The following PRKDC variants were observed in gnomAD, a reference collection of about 807,000 sequenced individuals.
The protein encoded by PRKDC is protein kinase, DNA-activated, catalytic subunit.
A neutral mutation model predicts 486.9 loss-of-function variants in PRKDC; 82 were observed. That is an observed-to-expected ratio of 0.17 (90% CI 0.14 to 0.20). The LOEUF is 0.20. PRKDC is among the 10% of genes least tolerant of loss of function. The pLI, the probability that PRKDC is intolerant of heterozygous loss-of-function variation, is 1.00. For missense variants in PRKDC, 4,504 were observed against 5,038.2 expected, an observed-to-expected ratio of 0.89 and a Z score of 3.21; for synonymous variants, 1,895 against 1,837.0, an observed-to-expected ratio of 1.03 and a Z score of -0.81.
At chr8:47,955,475 A>G (rs1043543002) in intron 4 of PRKDC, among the ~76,000 whole-genome samples, 4 of 150,714 alleles carry the variant, frequency 2.7e-5, no homozygotes, top group African/African-American at 9.7e-5. Flanking sequence ...AAAAAAAAAA[A>G]AAAAAAAAAA....
At position 47,936,524 on chromosome 8, in the gene PRKDC, A is replaced by G; in HGVS notation, c.1114-7T>C. On this transcript the variant is annotated splice_polypyrimidine_tract_variant and splice_region_variant and intron_variant, in intron 11 of 85. Coordinates refer to ENST00000314191, the MANE Select transcript of PRKDC (RefSeq NM_006904.7). ...CGTTTATAACCTTGCACGGCTTTAG[A>G]AAAGGTAAAACAGAAGTCTTCATCA... The G allele has an allele frequency of 6.2e-7, 1 of 1,613,766 alleles. No homozygotes were observed. Among genetic ancestry groups the G allele is most frequent in the Non-Finnish European group, 8.5e-7 (1 of 1,179,714 alleles).
Position 47,862,110 on chromosome 8 carries a change from T to C in PRKDC, c.5937A>G (p.Glu1979=), listed in dbSNP as rs1214872097. Residue 1979 remains glutamate (E), a synonymous_variant, in exon 44 of 86, where the codon GAA becomes GAG. Transcript: ENST00000314191. ...EKPEKNLLIF[E]NLIDLKRRYN... Reference sequence around the variant, plus strand: ...AGCGGCGCTTCAGGTCGATCAGATTTTCAAAAATAAGCAAGTTCTGTGAAT... The same window carrying C: ...AGCGGCGCTTCAGGTCGATCAGATTCTCAAAAATAAGCAAGTTCTGTGAAT... The C allele has an allele frequency of 6.4e-7, 1 of 1,551,560 alleles. No homozygotes were observed. The highest frequency in any genetic ancestry group is 8.7e-7 in the Non-Finnish European group (1 of 1,145,970).
intron 54 of PRKDC, among the ~76,000 whole-genome samples, chr8:47,840,493 G>A (rs1371429847): frequency 1.3e-5 from 2 of 152,172 alleles, no homozygotes; most frequent in Admixed American, 6.5e-5. Flanking sequence ...TCTTACTTTT[G>A]ACAAATGTAC....
At chr8:47,830,860 G>C (rs1589726938) in intron 60 of PRKDC, 124 bp from the exon 61 acceptor site, 2 of 1,183,546 alleles carry the variant, frequency 1.7e-6, no homozygotes, top group East Asian at 4.7e-5. Flanking sequence ...ACTGATGCTC[G>C]CAGAGGCTCA....
chr8:47,859,005 A>G lies in PRKDC; in HGVS notation c.6208-19T>C, dbSNP rs1380844431. On this transcript the variant is annotated intron_variant, in intron 46 of 85. Transcript: ENST00000314191. Reference sequence around the variant, plus strand: ...GCTGCTCCTGCGAAAGGGAGGGCCCAGGAGAGCAGAGGGTACAGTTAACAT... The same window carrying G: ...GCTGCTCCTGCGAAAGGGAGGGCCCGGGAGAGCAGAGGGTACAGTTAACAT... 12 of 1,610,506 alleles carry G rather than the reference A, an allele frequency of 7.5e-6. No individual in the cohort carries two copies. In the South Asian group the frequency reaches 1.3e-4, roughly 18 times the overall value.
chr8:47,957,391 C>T lies in PRKDC; in HGVS notation c.195G>A (p.Leu65=). 6.3e-7 allele frequency: 1 copy of T among 1,596,346 alleles called. No individual in the cohort carries two copies. Among genetic ancestry groups the T allele is most frequent in the Non-Finnish European group, 8.5e-7 (1 of 1,170,666 alleles). The stretch of plus-strand genomic sequence containing the variant: ...TGAGTGACTTCCGGACAAATACAAG[C>T]AAACCGAAATCTCTGGAAAAAACTA... ...TSLVFSRDFG[L]LVFVRKSLNS... The change falls in exon 2 of 86, where the codon TTG becomes TTA. Residue 65 remains leucine (L), a synonymous_variant. Transcript: ENST00000314191.
chr8:47,800,769 C>T (rs369459161), intron 71 of PRKDC, 24 bp downstream of exon 71: 35 of 1,577,790 alleles, frequency 2.2e-5, no homozygotes, highest in Admixed American at 7.4e-5. Flanking sequence ...AGCACACTAG[C>T]GTAAAACATT....
At chr8:47,776,484 TCAGGG>T (rs2086610367) in intron 85 of PRKDC, among the ~76,000 whole-genome samples, 1 of 152,212 alleles carries the variant, frequency 6.6e-6, no homozygotes, top group South Asian at 2.1e-4. Context: ...ACTATATTCA[TCAGGG>T]TCAAACGCCC....
At chr8:47,846,422 A>G (rs1262745960) in intron 54 of PRKDC, among the ~76,000 whole-genome samples, 2 of 151,812 alleles carry the variant, frequency 1.3e-5, no homozygotes, top group African/African-American at 4.8e-5. Context: ...CCTCAAAAAA[A>G]AAAAAAAAAG....
At chr8:47,875,882 C>T (rs1200754368) in intron 40 of PRKDC, among the ~76,000 whole-genome samples, 2 of 152,054 alleles carry the variant, frequency 1.3e-5, no homozygotes, top group African/African-American at 2.4e-5. Flanking sequence ...GTTCTGCTGC[C>T]GTGCAGAATT....
intron 23 of PRKDC, among the ~76,000 whole-genome samples, chr8:47,915,062 G>A (rs985328604): frequency 1.3e-5 from 2 of 152,136 alleles, no homozygotes; most frequent in African/African-American, 2.4e-5. Context: ...ACACTAATAT[G>A]GAAAAGAGTA....
chr8:47,909,619 T>C (rs2089859032), intron 25 of PRKDC, among the ~76,000 whole-genome samples: 2 of 152,230 alleles, frequency 1.3e-5, no homozygotes, highest in Non-Finnish European at 2.9e-5. Context: ...CACAGTTTTC[T>C]TCTCATAGAA....
chr8:47,812,310 C>T (rs1263855844), intron 68 of PRKDC, among the ~76,000 whole-genome samples: 1 of 152,008 alleles, frequency 6.6e-6, no homozygotes, highest in East Asian at 1.9e-4. Flanking sequence ...AACCTGATAC[C>T]CAGGAACTGC....
chr8:47,910,833 C>T (rs1208211078), intron 25 of PRKDC, among the ~76,000 whole-genome samples: 2 of 135,874 alleles, frequency 1.5e-5, no homozygotes, highest in East Asian at 2.0e-4. Context: ...TATTCCTAGA[C>T]ATTTTTTTTT....
intron 35 of PRKDC, among the ~76,000 whole-genome samples, chr8:47,886,446 G>A (rs2154501690): frequency 6.6e-6 from 1 of 152,096 alleles, no homozygotes; most frequent in Non-Finnish European, 1.5e-5. Context: ...CTGGAGTACA[G>A]TGGCACGATC....
In PRKDC at chr8:47,816,644, G is replaced by A. The variant is rs180896544; in HGVS notation, c.9557+806C>T. Among the ~76,000 whole-genome samples the A allele has an allele frequency of 2.4e-3, 363 of 152,048 alleles. 2 individuals are homozygous for A. Among genetic ancestry groups the A allele is most frequent in the African/African-American group, 8.4e-3 (349 of 41,476 alleles). On this transcript the variant is annotated intron_variant, in intron 68 of 85. Transcript: ENST00000314191. ...ATGTATCCAGCTTACGCTCACAACCGGTTCAGAAAATAAATAATATGTAGG... is the reference window on the plus strand; with the variant it reads ...ATGTATCCAGCTTACGCTCACAACCAGTTCAGAAAATAAATAATATGTAGG...
Position 47,933,954 on chromosome 8 carries a change from G to C in PRKDC, c.1623+11C>G. 1 of 1,605,916 alleles carries C rather than the reference G, an allele frequency of 6.2e-7. No individual in the cohort carries two copies. Among genetic ancestry groups the C allele is most frequent in the Non-Finnish European group, 8.5e-7 (1 of 1,175,564 alleles). ...TAAGGTACATTTATGGCTTTCAATG[G>C]TAAATGTTACCATCATCTGGTCAGA... On this transcript the variant is annotated intron_variant, in intron 15 of 85. Coordinates refer to ENST00000314191, the MANE Select transcript of PRKDC (RefSeq NM_006904.7).
intron 76 of PRKDC, among the ~76,000 whole-genome samples, chr8:47,786,275 G>A (rs560538106): frequency 2.0e-5 from 3 of 151,792 alleles, no homozygotes; most frequent in African/African-American, 4.8e-5. Context: ...AGCCAAGCGC[G>A]GTGGCACTCG....
intron 10 of PRKDC, among the ~76,000 whole-genome samples, chr8:47,942,409 G>A (rs933655600): frequency 3.3e-5 from 5 of 152,120 alleles, no homozygotes; most frequent in South Asian, 2.1e-4. Context: ...GAGGCCCATC[G>A]GCTCAGTTTT....
Sources: allele counts gnomAD v4.1 joint callset (sites outside exome capture counted in the v4.1 genomes callset), GRCh38; gene constraint gnomAD v4.1.1; transcripts MANE v1.5; gene names NCBI Gene and HGNC (gene_info 2026-07-23, HGNC 2026-07-21).